Variants in HTR1F observed in about 807,000 individuals in gnomAD.
The protein encoded by HTR1F is 5-hydroxytryptamine (serotonin) receptor 1F, G protein-coupled.
Under a neutral mutation model 24.0 loss-of-function variants are expected in HTR1F, and 17 were observed. The observed-to-expected ratio is 0.71, with a 90% confidence interval of 0.48 to 1.06. HTR1F has a LOEUF of 1.06. Ranked by LOEUF, HTR1F falls within the 50% of genes least tolerant of loss-of-function variation. The pLI, the probability that HTR1F is intolerant of heterozygous loss-of-function variation, is 0.00. For missense variants in HTR1F, 391 were observed against 427.8 expected (o/e 0.91, Z 0.76); for synonymous variants, 186 against 156.8 (o/e 1.19, Z -1.39).
chr3:87,884,975 T>C (rs1227146276), intron 2 of HTR1F, among the ~76,000 whole-genome samples: 1 of 152,144 alleles, frequency 6.6e-6, no homozygotes, highest in African/African-American at 2.4e-5. Flanking sequence ...TGAACTCAGC[T>C]CTGCATCAAG....
At chr3:87,801,803 T>C (rs527540329) in intron 1 of HTR1F, among the ~76,000 whole-genome samples, 1 of 152,182 alleles carries the variant, frequency 6.6e-6, no homozygotes, top group African/African-American at 2.4e-5. Context: ...TCCTTTCGTA[T>C]TGGAGATAGA....
intron 2 of HTR1F, among the ~76,000 whole-genome samples, chr3:87,902,494 G>A (rs1706347400): frequency 6.6e-6 from 1 of 152,034 alleles, no homozygotes; most frequent in Admixed American, 6.6e-5. Flanking sequence ...TGACCTTGGG[G>A]TAGGCCAAAG....
intron 2 of HTR1F, among the ~76,000 whole-genome samples, chr3:87,952,242 T>A (rs1704849949): frequency 6.6e-6 from 1 of 151,926 alleles, no homozygotes; most frequent in Non-Finnish European, 1.5e-5. Flanking sequence ...AAAATGTAAC[T>A]ATTTTAAAAT....
intron 2 of HTR1F, among the ~76,000 whole-genome samples, chr3:87,925,998 C>A (rs1415843930): frequency 6.6e-6 from 1 of 152,202 alleles, no homozygotes; most frequent in South Asian, 2.1e-4. Flanking sequence ...GCACTGGACA[C>A]CTCCAATCAG....
intron 2 of HTR1F, among the ~76,000 whole-genome samples, chr3:87,872,155 C>T (rs1157093595): frequency 6.6e-6 from 1 of 151,902 alleles, no homozygotes; most frequent in Non-Finnish European, 1.5e-5. Context: ...TCTTGAACAA[C>T]CAATAAGTCA....
chr3:87,865,977 T>A (rs530249222), intron 2 of HTR1F, among the ~76,000 whole-genome samples: 3 of 152,282 alleles, frequency 2.0e-5, no homozygotes, highest in African/African-American at 7.2e-5. Flanking sequence ...AGGGTTTCAT[T>A]TGCTCCACAT....
At chr3:87,834,161 A>G (rs1704637108) in intron 2 of HTR1F, among the ~76,000 whole-genome samples, 1 of 152,172 alleles carries the variant, frequency 6.6e-6, no homozygotes, top group Admixed American at 6.5e-5. Context: ...ATAAAACCCA[A>G]GTTGGATTCC....
intron 2 of HTR1F, among the ~76,000 whole-genome samples, chr3:87,824,928 CT>C (rs1177900817): frequency 2.0e-5 from 3 of 152,164 alleles, no homozygotes; most frequent in Non-Finnish European, 2.9e-5. Flanking sequence ...CCAGCCACCC[CT>C]CTCTAGCTTC....
At chr3:87,884,824 A>G (rs1705897700) in intron 2 of HTR1F, among the ~76,000 whole-genome samples, 1 of 152,204 alleles carries the variant, frequency 6.6e-6, no homozygotes, top group Non-Finnish European at 1.5e-5. Flanking sequence ...TGCACCCAAT[A>G]CAGGAGCACT....
In HTR1F at chr3:87,883,065, A is replaced by G. The variant is rs375089474; in HGVS notation, c.-43+60941A>G. On this transcript the variant is annotated intron_variant, in intron 2 of 2. Coordinates refer to ENST00000319595, the MANE Select transcript of HTR1F (RefSeq NM_001322209.2). ...ATCCCAGTAGGGGCGGACACCTCAT[A>G]CAGGTGGGTGCCCCTCTGGGATGAA... Among the ~76,000 whole-genome samples, 80 of 152,090 alleles carry G rather than the reference A, an allele frequency of 5.3e-4. 1 individual carries two copies. The East Asian group carries it at 0.014, about 27-fold the overall frequency.
chr3:87,857,830 A>G (rs1439191861), intron 2 of HTR1F, among the ~76,000 whole-genome samples: 1 of 152,138 alleles, frequency 6.6e-6, no homozygotes, highest in African/African-American at 2.4e-5. Context: ...CCCTTTCCCC[A>G]TGTAAGGTAA....
intron 2 of HTR1F, among the ~76,000 whole-genome samples, chr3:87,833,631 A>G (rs1704625832): frequency 1.3e-5 from 2 of 152,046 alleles, no homozygotes; most frequent in Admixed American, 1.3e-4. Context: ...CCTCCCAAGT[A>G]GCTACCACAC....
intron 1 of HTR1F, among the ~76,000 whole-genome samples, chr3:87,809,246 G>C (rs1704122174): frequency 1.3e-5 from 2 of 151,702 alleles, no homozygotes; most frequent in Admixed American, 6.6e-5. Context: ...TCTGCTTCAT[G>C]TACTAAATAA....
At chr3:87,941,539 C>T (rs1321643012) in intron 2 of HTR1F, among the ~76,000 whole-genome samples, 6 of 152,070 alleles carry the variant, frequency 3.9e-5, no homozygotes, top group South Asian at 2.1e-4. Context: ...AACTTAGCCC[C>T]GTACTGAAGG....
In HTR1F at chr3:87,991,718, A is replaced by T; in HGVS notation, c.969A>T (p.Lys323Asn). The T allele has an allele frequency of 6.2e-7, 1 of 1,613,918 alleles. No homozygotes were observed. Among genetic ancestry groups the T allele is most frequent in the Non-Finnish European group, 8.5e-7 (1 of 1,179,914 alleles). Residue 323 changes from lysine (K) to asparagine (N), a missense_variant, in exon 3 of 3, where the codon AAA (lysine) becomes AAT (asparagine). Transcript: ENST00000319595. Reference sequence around the variant, plus strand: ...TTGTTAATGTCTGTGACAAATGTAAAATTTCTGAAGAAATGTCCAATTTTT... The same window carrying T: ...TTGTTAATGTCTGTGACAAATGTAATATTTCTGAAGAAATGTCCAATTTTT... ...ELVVNVCDKC[K>N]ISEEMSNFLA... is the part of the protein sequence containing the mutation.
At chr3:87,886,355 C>T (rs1210575073) in intron 2 of HTR1F, among the ~76,000 whole-genome samples, 1 of 152,094 alleles carries the variant, frequency 6.6e-6, no homozygotes, top group Non-Finnish European at 1.5e-5. Context: ...ATAATAAGAG[C>T]TATTTATGAC....
At chr3:87,954,700 T>C (rs1020147221) in intron 2 of HTR1F, among the ~76,000 whole-genome samples, 1 of 151,502 alleles carries the variant, frequency 6.6e-6, no homozygotes, top group African/African-American at 2.4e-5. Flanking sequence ...AGATAACCAA[T>C]TAAAACATTT....
At chr3:87,901,718 A>T (rs922514359) in intron 2 of HTR1F, among the ~76,000 whole-genome samples, 2 of 152,150 alleles carry the variant, frequency 1.3e-5, no homozygotes, top group African/African-American at 4.8e-5. Context: ...AAATGAAAAA[A>T]AAATGGTCTC....
At chr3:87,878,384 T>C (rs189366840) in intron 2 of HTR1F, among the ~76,000 whole-genome samples, 3 of 152,222 alleles carry the variant, frequency 2.0e-5, no homozygotes, top group Admixed American at 6.5e-5. Context: ...ATTTTATGTA[T>C]GTGTGAAATG....
Sources: gnomAD v4.1 joint callset for allele counts (sites outside exome capture counted in the v4.1 genomes callset) on GRCh38, gnomAD v4.1.1 for gene constraint, MANE v1.5 for transcripts, NCBI Gene and HGNC (gene_info 2026-07-23, HGNC 2026-07-21) for gene names.